The following AIG1 variants were observed in gnomAD, a reference collection of about 807,000 sequenced individuals.
The protein encoded by AIG1 is androgen induced 1.
A neutral mutation model predicts 31.4 loss-of-function variants in AIG1; 23 were observed. The ratio of observed to expected loss-of-function variants is 0.73; its 90% CI spans 0.53 to 1.04. The LOEUF is 1.04. AIG1 is among the 50% of genes least tolerant of loss of function. The pLI, the probability that AIG1 is intolerant of heterozygous loss-of-function variation, is 0.00. For missense variants in AIG1, 274 were observed against 295.0 expected, an observed-to-expected ratio of 0.93 and a Z score of 0.52; for synonymous variants, 100 against 110.5, an observed-to-expected ratio of 0.90 and a Z score of 0.60.
At chr6:143,250,083 G>A (rs111643004) in intron 3 of AIG1, among the ~76,000 whole-genome samples, 3 of 152,386 alleles carry the variant, frequency 2.0e-5, no homozygotes, top group South Asian at 4.1e-4. Context: ...CCGGAGCAAG[G>A]CAGACCACTT....
intron 1 of AIG1, among the ~76,000 whole-genome samples, chr6:143,081,422 A>G (rs533309527): frequency 1.3e-4 from 20 of 151,932 alleles, no homozygotes; most frequent in South Asian, 8.4e-4. Flanking sequence ...CTGTCCTACA[A>G]GGGAAGGCCT....
intron 3 of AIG1, among the ~76,000 whole-genome samples, chr6:143,251,927 T>C (rs1795037300): frequency 6.6e-6 from 1 of 152,252 alleles, no homozygotes; most frequent in Admixed American, 6.5e-5. Flanking sequence ...TTTCTTCATC[T>C]CCAAAGCTTA....
rs777953421 is a variant in AIG1 at position 143,291,653 on chromosome 6, C to T, written c.515+7428C>T. ...AAAGAGGCATCTCAGAACCAGTCCA[C>T]GTCCTCCTCTTCTACTTCAGGGTCT... is the stretch of plus-strand genomic sequence containing the variant. On this transcript the variant is annotated intron_variant, in intron 4 of 5. Coordinates refer to ENST00000357847, the MANE Select transcript of AIG1 (RefSeq NM_016108.4). This position sits in a 1 kb window ranked among gnomAD's most constrained non-coding sequence, Gnocchi z 4.2. Among the ~76,000 whole-genome samples, 5 of 152,216 alleles carry T rather than the reference C, an allele frequency of 3.3e-5. No individual in the cohort carries two copies. The highest frequency in any genetic ancestry group is 1.3e-4 in the Admixed American group (2 of 15,284).
chr6:143,193,193 T>C (rs1414085316), intron 3 of AIG1, among the ~76,000 whole-genome samples: 1 of 152,224 alleles, frequency 6.6e-6, no homozygotes, highest in East Asian at 1.9e-4. Context: ...TTCTAAAATT[T>C]AGTGATAGAA....
chr6:143,250,722 T>C (rs557072733), intron 3 of AIG1, among the ~76,000 whole-genome samples: 2 of 152,236 alleles, frequency 1.3e-5, no homozygotes, highest in Non-Finnish European at 2.9e-5. Context: ...AGATCAAGCT[T>C]GTCCAACCCA....
At position 143,136,720 on chromosome 6, in the gene AIG1, A is replaced by G. The variant is rs954410050; in HGVS notation, c.142-115A>G. ...ATTTCTAGGAGCAGCTCTTTAAAAT[A>G]TGCTTCTGATCCTTTCTTATTAGAT... On this transcript the variant is annotated intron_variant, in intron 1 of 5. Coordinates refer to ENST00000357847, the MANE Select transcript of AIG1 (RefSeq NM_016108.4). 10 of 1,012,262 alleles carry G rather than the reference A, an allele frequency of 9.9e-6. No homozygotes were observed. In the African/African-American group the frequency reaches 1.7e-4, roughly 17 times the overall value. The allele number at this position is 1,012,262 out of a possible 1,614,324, so 62.7% of individuals were successfully genotyped here.
chr6:143,093,301 A>G (rs1779469456), intron 1 of AIG1, among the ~76,000 whole-genome samples: 1 of 152,206 alleles, frequency 6.6e-6, no homozygotes, highest in Admixed American at 6.5e-5. Context: ...TGTTATGAAG[A>G]CAGCTTTTTT....
intron 3 of AIG1, among the ~76,000 whole-genome samples, chr6:143,183,259 A>G (rs11754216): frequency 0.24 from 36,242 of 148,904 alleles, 5,357 homozygotes; most frequent in East Asian, 0.76. Flanking sequence ...GCGATGGCGC[A>G]ATCTTGGCTC....
chr6:143,300,606 G>A (rs1375315013), intron 4 of AIG1, among the ~76,000 whole-genome samples: 1 of 152,148 alleles, frequency 6.6e-6, no homozygotes, highest in African/African-American at 2.4e-5. Flanking sequence ...CCTAACCATT[G>A]CTTTCAAAGA....
intron 3 of AIG1, among the ~76,000 whole-genome samples, chr6:143,206,697 A>G (rs2128611397): frequency 6.6e-6 from 1 of 152,336 alleles, no homozygotes; most frequent in East Asian, 1.9e-4. Context: ...AAAAAAGCAT[A>G]GAGGTCTTTA....
At position 143,064,529 on chromosome 6, in the gene AIG1, G is replaced by T. The variant is rs541761112; in HGVS notation, c.141+3463G>T. The stretch of plus-strand genomic sequence containing the variant: ...CAGAATTGTAAAATAATAAATTTGT[G>T]TCATTTAAGCCATTCAATTGATAGT... On this transcript the variant is annotated intron_variant, in intron 1 of 5. Transcript: ENST00000357847. Among the ~76,000 whole-genome samples the T allele has an allele frequency of 2.0e-4, 30 of 152,264 alleles. 1 individual carries two copies. The Middle Eastern group carries it at 0.01, about 52-fold the overall frequency.
rs1391799636 is a variant in AIG1, at chr6:143,268,217, T to C, written c.400-15893T>C. On this transcript the variant is annotated intron_variant, in intron 3 of 5. Transcript: ENST00000357847. This position sits in a 1 kb window ranked among gnomAD's most constrained non-coding sequence, Gnocchi z 5.0. Reference sequence around the variant, plus strand: ...CCATAAGGAGGAATAAAACCAAAGGTTGGTTGTGTGATCTACATGTGGAGC... The same window carrying C: ...CCATAAGGAGGAATAAAACCAAAGGCTGGTTGTGTGATCTACATGTGGAGC... 6.6e-6 allele frequency among the ~76,000 whole-genome samples: 1 copy of C among 151,702 alleles called. No individual in the cohort carries two copies. The highest frequency in any genetic ancestry group is 1.5e-5 in the Non-Finnish European group (1 of 67,924).
At chr6:143,337,835 G>A in intron 5 of AIG1, 1 of 395,816 alleles carries the variant, frequency 2.5e-6, no homozygotes, top group Non-Finnish European at 4.4e-6. Flanking sequence ...TCAGCGCCCT[G>A]CAGTCTTGTC....
Position 143,327,659 on chromosome 6 carries a change from C to A in AIG1, c.516-5623C>A. The A allele has an allele frequency of 5.0e-6, 1 of 200,286 alleles. No homozygotes were observed. Among genetic ancestry groups the A allele is most frequent in the South Asian group, 8.3e-5 (1 of 11,980 alleles). 12.4% of individuals were successfully genotyped at this position (200,286 alleles called of 1,614,324 possible). The stretch of plus-strand genomic sequence containing the variant: ...AGTCAATGTGGATGAGAACTAACTG[C>A]TGATTGTCAAATACATCAAATAAAG... On this transcript the variant is annotated intron_variant, in intron 4 of 5. Coordinates refer to ENST00000357847, the MANE Select transcript of AIG1 (RefSeq NM_016108.4). The surrounding 1 kb of genome is among the most constrained non-coding windows in gnomAD (Gnocchi z 5.3).
chr6:143,179,331 G>T (rs867968092), intron 3 of AIG1, among the ~76,000 whole-genome samples: 5 of 152,154 alleles, frequency 3.3e-5, no homozygotes, highest in South Asian at 2.1e-4. Context: ...TTCCAAGAAA[G>T]AATGCACACT....
intron 4 of AIG1, among the ~76,000 whole-genome samples, chr6:143,287,363 C>G (rs1797757612): frequency 6.6e-6 from 1 of 152,018 alleles, no homozygotes; most frequent in African/African-American, 2.4e-5. Flanking sequence ...ATGATCTTGC[C>G]CATTTTACAG....
chr6:143,079,408 C>G (rs1440975229), intron 1 of AIG1, among the ~76,000 whole-genome samples: 4 of 152,176 alleles, frequency 2.6e-5, no homozygotes, highest in African/African-American at 9.6e-5. Context: ...AATCCACAAA[C>G]TGTACCCTTA....
chr6:143,145,596 G>T (rs1479378023), intron 2 of AIG1, among the ~76,000 whole-genome samples: 1 of 152,160 alleles, frequency 6.6e-6, no homozygotes, highest in African/African-American at 2.4e-5. Flanking sequence ...CCATCACATA[G>T]CTAGAACCAG....
At chr6:143,075,689 G>C (rs1472588468) in intron 1 of AIG1, among the ~76,000 whole-genome samples, 1 of 152,026 alleles carries the variant, frequency 6.6e-6, no homozygotes, top group African/African-American at 2.4e-5. Context: ...TTTCTTAATG[G>C]GGAAGCTTAC....
Sources: gnomAD v4.1 joint callset for allele counts (sites outside exome capture counted in the v4.1 genomes callset) on GRCh38, gnomAD v4.1.1 for gene constraint, Gnocchi (gnomAD v3.1) non-coding constraint, MANE v1.5 for transcripts, NCBI Gene and HGNC (gene_info 2026-07-23, HGNC 2026-07-21) for gene names.